Variants in NXN observed in about 807,000 individuals in gnomAD.
NXN encodes the protein nucleoredoxin 1.
A neutral mutation model predicts 48.6 loss-of-function variants in NXN; 16 were observed. The observed-to-expected ratio is 0.33, with a 90% CI of 0.22 to 0.50. NXN has a LOEUF of 0.50. Among genes scored for constraint, NXN ranks in the 20% least tolerant of loss-of-function variants. The pLI, the probability that NXN is intolerant of heterozygous loss-of-function variation, is 0.98. For missense variants in NXN, 492 were observed against 605.5 expected (o/e 0.81, Z 1.97); for synonymous variants, 281 against 269.6 (o/e 1.04, Z -0.41).
chr17:926,167 G>A (rs763659736), intron 1 of NXN, among the ~76,000 whole-genome samples: 18 of 152,174 alleles, frequency 1.2e-4, no homozygotes, highest in Middle Eastern at 3.4e-3. Flanking sequence ...AGTATCTACC[G>A]TCTCTGTCTC....
intron 1 of NXN, among the ~76,000 whole-genome samples, chr17:889,109 G>T (rs2068381387): frequency 6.6e-6 from 1 of 152,154 alleles, no homozygotes; most frequent in Non-Finnish European, 1.5e-5. Flanking sequence ...TTGTGGTCAG[G>T]AAACAGGTTC....
At chr17:890,267 A>C (rs1352354325) in intron 1 of NXN, among the ~76,000 whole-genome samples, 2 of 152,160 alleles carry the variant, frequency 1.3e-5, no homozygotes. Flanking sequence ...CAGGTGGGAG[A>C]TAATTAAAGT....
chr17:964,149 G>A (rs2069274058), intron 1 of NXN, among the ~76,000 whole-genome samples: 1 of 152,344 alleles, frequency 6.6e-6, no homozygotes, highest in Non-Finnish European at 1.5e-5. Flanking sequence ...CATGGCGTAT[G>A]AAGTCATGCT....
intron 5 of NXN, among the ~76,000 whole-genome samples, chr17:812,940 A>C (rs952572836): frequency 6.8e-6 from 1 of 147,182 alleles, no homozygotes; most frequent in African/African-American, 2.5e-5. Flanking sequence ...GTGAGTGTGC[A>C]TATGTGTGAG....
chr17:866,550 C>T (rs1428847611), intron 1 of NXN, among the ~76,000 whole-genome samples: 2 of 152,100 alleles, frequency 1.3e-5, no homozygotes, highest in African/African-American at 4.8e-5. Flanking sequence ...CCAGCCTGGG[C>T]GACAGAGACC....
At chr17:860,870 CT>C (rs2068033396) in intron 1 of NXN, among the ~76,000 whole-genome samples, 1 of 152,240 alleles carries the variant, frequency 6.6e-6, no homozygotes, top group Admixed American at 6.5e-5. Flanking sequence ...ATTTAAGTGA[CT>C]TTTGGATCTA....
At position 801,036 on chromosome 17, in the gene NXN, C is replaced by T; in HGVS notation, c.1221G>A (p.Val407=). The change falls in exon 8 of 8, where the codon GTG becomes GTA. Residue 407 remains valine, a synonymous_variant. Transcript: ENST00000336868. ...ILDMSARAKY[V]MDVEEITPAI... is the part of the protein sequence containing the mutation. Reference sequence around the variant, plus strand: ...CGGGGGTGATCTCCTCCACGTCCATCACGTACTTGGCCCGGGCTGACATGT... The same window carrying T: ...CGGGGGTGATCTCCTCCACGTCCATTACGTACTTGGCCCGGGCTGACATGT... The T allele has an allele frequency of 1.3e-6, 2 of 1,576,582 alleles. No homozygotes were observed. The highest frequency in any genetic ancestry group is 1.7e-6 in the Non-Finnish European group (2 of 1,160,210).
chr17:820,288 C>T lies in NXN; in HGVS notation c.714-743G>A, dbSNP rs376879860. Among the ~76,000 whole-genome samples the T allele has an allele frequency of 6.6e-5, 10 of 152,222 alleles. No homozygotes were observed. In the East Asian group the frequency reaches 1.7e-3, roughly 26 times the overall value. The stretch of plus-strand genomic sequence containing the variant: ...TGCATTTTACAATATATACATTATG[C>T]CTCAATAAAGTTGATGCTTAAAACT... On this transcript the variant is annotated intron_variant, in intron 4 of 7. Coordinates refer to ENST00000336868, the MANE Select transcript of NXN (RefSeq NM_022463.5).
Position 806,230 on chromosome 17 carries a change from A to C in NXN, c.821-983T>G, listed in dbSNP as rs910527880. 4.1e-3 allele frequency among the ~76,000 whole-genome samples: 71 copies of C among 17,288 alleles called. 3 individuals carry two copies. The highest frequency in any genetic ancestry group is 0.027 in the African/African-American group (47 of 1,766). 11.3% of individuals were successfully genotyped at this position (17,288 alleles called of 152,430 possible). A position where few individuals can be genotyped will look rare whatever the true frequency, so the allele number is the denominator to read the frequency against. ...CCCCCGCCGTCTGCACCCCAGCACAACCCCCTCCCCAGGGCTGCAGCCCCC... is the reference window on the plus strand; with the variant it reads ...CCCCCGCCGTCTGCACCCCAGCACACCCCCCTCCCCAGGGCTGCAGCCCCC... On this transcript the variant is annotated intron_variant, in intron 5 of 7. Coordinates refer to ENST00000336868, the MANE Select transcript of NXN (RefSeq NM_022463.5).
At chr17:952,241 G>A (rs1412227315) in intron 1 of NXN, among the ~76,000 whole-genome samples, 2 of 68,234 alleles carry the variant, frequency 2.9e-5, no homozygotes, top group Admixed American at 1.4e-4. Flanking sequence ...CACACTGTGG[G>A]GGGGCTGGGG....
At chr17:843,006 G>GAGAAAGAA (rs781376999) in intron 1 of NXN, among the ~76,000 whole-genome samples, 3,507 of 95,552 alleles carry the variant, frequency 0.037, 91 homozygotes, top group East Asian at 0.064. Context: ...GAGAGAAAGA[G>GAGAAAGAA]AGAAAGAAAG....
At chr17:812,673 A>T (rs1174004307) in intron 5 of NXN, among the ~76,000 whole-genome samples, 7 of 137,672 alleles carry the variant, frequency 5.1e-5, no homozygotes, top group African/African-American at 1.7e-4. Context: ...GGTGTGTGTG[A>T]GTGTAGGTGT....
At chr17:913,664 C>A (rs2068657844) in intron 1 of NXN, among the ~76,000 whole-genome samples, 1 of 152,002 alleles carries the variant, frequency 6.6e-6, no homozygotes, top group South Asian at 2.1e-4. Flanking sequence ...TCCACCTACC[C>A]CCACGTCCCC....
chr17:889,186 CAG>C (rs2068382261), intron 1 of NXN, among the ~76,000 whole-genome samples: 1 of 152,098 alleles, frequency 6.6e-6, no homozygotes, highest in South Asian at 2.1e-4. Context: ...AGTGGGAAGA[CAG>C]AGCAGAAAGC....
chr17:953,278 G>A (rs2069132546), intron 1 of NXN, among the ~76,000 whole-genome samples: 1 of 152,148 alleles, frequency 6.6e-6, no homozygotes, highest in Admixed American at 6.5e-5. Flanking sequence ...AGCCAGGCAT[G>A]GTGGCTCACG....
At chr17:937,478 G>A (rs966571259) in intron 1 of NXN, among the ~76,000 whole-genome samples, 1 of 152,148 alleles carries the variant, frequency 6.6e-6, no homozygotes, top group Admixed American at 6.6e-5. Flanking sequence ...GCAGCTTCAG[G>A]GAAAACAGGT....
In NXN at chr17:979,624, C is replaced by T; in HGVS notation, c.55G>A (p.Glu19Lys). 1 of 1,465,754 alleles carries T rather than the reference C, an allele frequency of 6.8e-7. No individual in the cohort carries two copies. The highest frequency in any genetic ancestry group is 9.0e-7 in the Non-Finnish European group (1 of 1,108,468). 90.8% of individuals were successfully genotyped at this position (1,465,754 alleles called of 1,614,324 possible). ...CCCAGCGAGTGCACGTCCACCTCCTCGCCGCCGCCCGTCACCAGCTTCTCG... is the reference window on the plus strand; with the variant it reads ...CCCAGCGAGTGCACGTCCACCTCCTTGCCGCCGCCCGTCACCAGCTTCTCG... ...LGEKLVTGGG[E>K]EVDVHSLGAR... Residue 19 changes from glutamate (E) to lysine (K), a missense_variant, in exon 1 of 8, where the codon GAG (glutamate) becomes AAG (lysine). Around this residue, in one of 3 missense-constraint regions of NXN, gnomAD observed 186 missense variants for 199.1 expected, o/e 0.93. Coordinates refer to ENST00000336868, the MANE Select transcript of NXN (RefSeq NM_022463.5).
intron 1 of NXN, among the ~76,000 whole-genome samples, chr17:882,824 G>A (rs919350198): frequency 6.6e-5 from 10 of 152,028 alleles, no homozygotes; most frequent in Admixed American, 1.3e-4. Context: ...GTGCAGTGGC[G>A]CGATCTTGGC....
At chr17:977,897 G>A (rs184162417) in intron 1 of NXN, among the ~76,000 whole-genome samples, 2 of 152,302 alleles carry the variant, frequency 1.3e-5, no homozygotes, top group African/African-American at 4.8e-5. Flanking sequence ...CTAAAAAGCA[G>A]TAAAAATGCC....
Sources: allele counts gnomAD v4.1 joint callset (sites outside exome capture counted in the v4.1 genomes callset), GRCh38; gene constraint gnomAD v4.1.1; regional missense constraint gnomAD v4.1.1; transcripts MANE v1.5; gene names NCBI Gene and HGNC (gene_info 2026-07-23, HGNC 2026-07-21).